The following TM7SF3 variants were observed in gnomAD, a reference collection of about 807,000 sequenced individuals.
TM7SF3 encodes transmembrane 7 superfamily member 3.
TM7SF3 carries 60 observed loss-of-function variants against 65.5 expected under a neutral mutation model. The observed-to-expected ratio is 0.92, with a 90% CI of 0.74 to 1.14. The LOEUF is 1.14. Ranked by LOEUF, TM7SF3 falls within the 50% of genes most tolerant of loss-of-function variation. The probability of loss-of-function intolerance (pLI) is 0.00; values close to 1 mark genes in which losing one functional copy is unlikely to be tolerated. For missense variants in TM7SF3, 623 were observed against 684.8 expected (o/e 0.91, Z 1.01); for synonymous variants, 264 against 259.6 (o/e 1.02, Z -0.16).
chr12:27,010,677 C>T (rs1941212231), intron 1 of TM7SF3, among the ~76,000 whole-genome samples: 3 of 152,310 alleles, frequency 2.0e-5, no homozygotes, highest in Admixed American at 2.0e-4. Flanking sequence ...GACAGCACAT[C>T]AAAAGATATT....
At chr12:26,988,366 G>T (rs1282406984) in intron 6 of TM7SF3, among the ~76,000 whole-genome samples, 1 of 152,164 alleles carries the variant, frequency 6.6e-6, no homozygotes, top group Non-Finnish European at 1.5e-5. Flanking sequence ...GTTTCGCCAT[G>T]TTGCCCAGGC....
In TM7SF3 at chr12:27,014,118, C is replaced by G. The variant is rs748619865; in HGVS notation, c.51G>C (p.Arg17=). ...CGAAGACCTCGGCTGCACCAGCCAC[C>G]CGGTGTTCGGATGCCAGCACCGCTA... The part of the protein sequence containing the change: ...LVVAVLASEH[R]VAGAAEVFGN... Residue 17 remains arginine, a synonymous_variant, in exon 1 of 12, where the codon CGG becomes CGC. Transcript: ENST00000343028. The G allele has an allele frequency of 7.0e-6, 11 of 1,572,758 alleles. 1 individual carries two copies. The highest frequency in any genetic ancestry group is 1.7e-4 in the Middle Eastern group (1 of 6,022).
chr12:26,979,851 G>T lies in TM7SF3; in HGVS notation c.1122C>A (p.Ile374=). Residue 374 remains isoleucine, a synonymous_variant, in exon 9 of 12, where the codon ATC becomes ATA. Transcript: ENST00000343028. ...GCACTAGTCCAACACAGAGCATGCA[G>T]ATCGAGAGGATTCCAAATCGCCACC... ...AVWWRFGILS[I]CMLCVGLVLG... is the part of the protein sequence containing the mutation. The T allele has an allele frequency of 6.2e-7, 1 of 1,614,192 alleles. No individual in the cohort carries two copies. The highest frequency in any genetic ancestry group is 8.5e-7 in the Non-Finnish European group (1 of 1,180,020).
At chr12:26,977,772 GTGTGTGTGTGTGTGTGTGTA>G (rs1939632221) in intron 9 of TM7SF3, among the ~76,000 whole-genome samples, 1 of 149,622 alleles carries the variant, frequency 6.7e-6, no homozygotes, top group Non-Finnish European at 1.5e-5. Flanking sequence ...AATAATGTGT[GTGTGTGTGTGTGTGTGTGTA>G]TGTGTGTGTG....
chr12:26,999,586 C>A lies in TM7SF3; in HGVS notation c.337G>T (p.Gly113Trp). 1 of 1,614,090 alleles carries A rather than the reference C, an allele frequency of 6.2e-7. No individual in the cohort carries two copies. The highest frequency in any genetic ancestry group is 8.5e-7 in the Non-Finnish European group (1 of 1,180,004). ...PEQSTCTWYL[G>W]TSGIQPVQNM... ...TGGACAGGCTGTATGCCTGAAGTCC[C>A]CAAGTACCAAGTGCATGTACTCTGC... Residue 113 changes from glycine (G) to tryptophan (W), a missense_variant, in exon 3 of 12, where the codon GGG becomes TGG. By Grantham distance (184) the Gly-to-Trp change is radical (BLOSUM62 -2). Transcript: ENST00000343028.
At chr12:26,981,289 G>A (rs1939803225) in intron 7 of TM7SF3, among the ~76,000 whole-genome samples, 1 of 152,062 alleles carries the variant, frequency 6.6e-6, no homozygotes. Context: ...TACTTGTACT[G>A]TATCTCAATT....
At position 26,999,668 on chromosome 12, in the gene TM7SF3, AAGG is replaced by A; in HGVS notation, c.252_254del (p.Leu85del). 6.2e-7 allele frequency: 1 copy of A among 1,614,132 alleles called. No homozygotes were observed. Among genetic ancestry groups the A allele is most frequent in the Non-Finnish European group, 8.5e-7 (1 of 1,180,020 alleles). ...CAGTGCCTGTTTCCGAGGAATTGGA[AAGG>A]AGAGTCTGCAGTCCAGAAGAAACAT... On this transcript the variant is annotated inframe_deletion, in exon 3 of 12. Coordinates refer to ENST00000343028, the MANE Select transcript of TM7SF3 (RefSeq NM_016551.3).
chr12:26,993,453 C>T (rs1940461747), intron 5 of TM7SF3, among the ~76,000 whole-genome samples: 1 of 152,286 alleles, frequency 6.6e-6, no homozygotes, highest in Non-Finnish European at 1.5e-5. Flanking sequence ...TCAGGTTAGA[C>T]ATTTTTTGCT....
At position 26,988,662 on chromosome 12, in the gene TM7SF3, GAGA is replaced by G. The variant is rs530537266; in HGVS notation, c.868+1785_868+1787del. On this transcript the variant is annotated intron_variant, in intron 6 of 11. Transcript: ENST00000343028. ...CTGCAACTTACTCTCATATGGTTCA[GAGA>G]AGAAAATTGTGTGTGTGTGTGTGTG... Among the ~76,000 whole-genome samples, 27 of 141,878 alleles carry G rather than the reference GAGA, an allele frequency of 1.9e-4. No homozygotes were observed. The South Asian group carries it at 2.6e-3, about 13-fold the overall frequency. 93.1% of individuals were successfully genotyped at this position (141,878 alleles called of 152,430 possible).
At chr12:26,992,709 C>T (rs998611298) in intron 5 of TM7SF3, among the ~76,000 whole-genome samples, 2 of 152,142 alleles carry the variant, frequency 1.3e-5, no homozygotes, top group African/African-American at 2.4e-5. Flanking sequence ...CACTGCTCAG[C>T]GTTGCAAGAG....
At chr12:27,009,107 A>G (rs1356106323) in intron 1 of TM7SF3, among the ~76,000 whole-genome samples, 1 of 152,166 alleles carries the variant, frequency 6.6e-6, no homozygotes, top group Non-Finnish European at 1.5e-5. Context: ...TAGAGTCTCA[A>G]TTGCATTCTA....
Position 27,014,086 on chromosome 12 carries a change from G to A in TM7SF3, c.83C>T (p.Ser28Phe), listed in dbSNP as rs922196612. The change falls in exon 1 of 12, where the codon TCC (serine) becomes TTC (phenylalanine). Residue 28 changes from serine (S) to phenylalanine (F), a missense_variant. Ser to Phe is a radical substitution (Grantham distance 155). Coordinates refer to ENST00000343028, the MANE Select transcript of TM7SF3 (RefSeq NM_016551.3). ...AGGCGCCCCGACCTTACCCTCGCTG[G>A]AATTCCCGAAGACCTCGGCTGCACC... ...VAGAAEVFGN[S>F]SEGLIEFSVG... 2.5e-6 allele frequency: 4 copies of A among 1,569,070 alleles called. No individual in the cohort carries two copies. The highest frequency in any genetic ancestry group is 3.5e-6 in the Non-Finnish European group (4 of 1,156,716).
At chr12:27,012,788 A>C (rs1941294747) in intron 1 of TM7SF3, 3 of 452,588 alleles carry the variant, frequency 6.6e-6, no homozygotes, top group Non-Finnish European at 1.3e-5. Flanking sequence ...TCACGAGGTC[A>C]GGAGTTCGAG....
chr12:27,003,181 AC>A, intron 2 of TM7SF3, 54 bp downstream of exon 2: 1 of 1,313,414 alleles, frequency 7.6e-7, no homozygotes. Flanking sequence ...CATACTAAAT[AC>A]CAGACCCCCA....
chr12:26,973,216 C>T lies in TM7SF3; in HGVS notation c.*749G>A, dbSNP rs974109296. 6.6e-6 allele frequency: 1 copy of T among 150,840 alleles called. No homozygotes were observed. The highest frequency in any genetic ancestry group is 1.5e-5 in the Non-Finnish European group (1 of 67,890). 9.3% of individuals were successfully genotyped at this position (150,840 alleles called of 1,614,324 possible). A position where few individuals can be genotyped will look rare whatever the true frequency, so the allele number is the denominator to read the frequency against. The stretch of plus-strand genomic sequence containing the variant: ...ATTTCTCGAGACAGGGTCTCTGTCA[C>T]CCAAGCTGGAGTGCAGTGACACAAT... On this transcript the variant is annotated 3_prime_UTR_variant, in exon 12 of 12. Transcript: ENST00000343028.
rs755448378 is a variant in TM7SF3 at position 26,980,576 on chromosome 12, G to A, written c.1026C>T (p.Ile342=). 6.7e-7 allele frequency: 1 copy of A among 1,499,192 alleles called. No individual in the cohort carries two copies. Among genetic ancestry groups the A allele is most frequent in the South Asian group, 1.2e-5 (1 of 86,620 alleles). The allele number at this position is 1,499,192 out of a possible 1,614,324, so 92.9% of individuals were successfully genotyped here. A position where few individuals can be genotyped will look rare whatever the true frequency, so the allele number is the denominator to read the frequency against. Residue 342 remains isoleucine, a synonymous_variant, in exon 8 of 12, where the codon ATC becomes ATT. Coordinates refer to ENST00000343028, the MANE Select transcript of TM7SF3 (RefSeq NM_016551.3). ...ATAATTTTCACTTACCATCATACTTGATAGGTGTCAGTCTTGTAATCAGTA... is the reference window on the plus strand; with the variant it reads ...ATAATTTTCACTTACCATCATACTTAATAGGTGTCAGTCTTGTAATCAGTA... ...FYILITRLTP[I]KYDVNLILTA...
intron 7 of TM7SF3, 57 bp downstream of exon 7, chr12:26,982,716 C>T (rs772288406): frequency 3.0e-5 from 38 of 1,260,854 alleles, no homozygotes; most frequent in Middle Eastern, 1.9e-4. Flanking sequence ...CAGGTCATTC[C>T]CCAGCAACAC....
In TM7SF3 at chr12:26,974,003, C is replaced by T. The variant is rs1939462775; in HGVS notation, c.1675G>A (p.Glu559Lys). ...GGCGTTCTCTCTCCAGCTGGCTGCT[C>T]CTTCTGGAAGAGCCCTTTAATCTGG... is the stretch of plus-strand genomic sequence containing the variant. ...LTQIKGLFQK[E>K]QPAGERTPLL... The change falls in exon 12 of 12, where the codon GAG (glutamate) becomes AAG (lysine). Residue 559 changes from glutamate (E) to lysine (K), a missense_variant. Coordinates refer to ENST00000343028, the MANE Select transcript of TM7SF3 (RefSeq NM_016551.3). The T allele has an allele frequency of 1.2e-6, 2 of 1,614,092 alleles. No homozygotes were observed. The highest frequency in any genetic ancestry group is 2.7e-5 in the African/African-American group (2 of 74,928).
chr12:26,977,237 C>A (rs952134051), intron 9 of TM7SF3, among the ~76,000 whole-genome samples: 1 of 152,212 alleles, frequency 6.6e-6, no homozygotes, highest in African/African-American at 2.4e-5. Context: ...AGATTCTATT[C>A]TCTAGTTTAA....
Sources: gnomAD v4.1 joint callset for allele counts (sites outside exome capture counted in the v4.1 genomes callset) on GRCh38, gnomAD v4.1.1 for gene constraint, MANE v1.5 for transcripts, NCBI Gene and HGNC (gene_info 2026-07-23, HGNC 2026-07-21) for gene names.